The following RAB35 variants were observed in gnomAD, a reference collection of about 807,000 sequenced individuals.
RAB35 encodes RAB35, member RAS oncogene family, also known as ras-related protein Rab-35.
A neutral mutation model predicts 28.9 loss-of-function variants in RAB35; 4 were observed. The observed-to-expected ratio is 0.14, with a 90% CI of 0.07 to 0.32. The LOEUF is 0.32. Among genes scored for constraint, RAB35 ranks in the 10% least tolerant of loss-of-function variants. The pLI is 1.00. For missense variants in RAB35, 128 were observed against 274.0 expected (o/e 0.47, Z 3.76); for synonymous variants, 99 against 105.1 (o/e 0.94, Z 0.35).
Position 120,104,431 on chromosome 12 carries a change from C to A in RAB35, c.104-482G>T, listed in dbSNP as rs886512445. ...CTGCTCCAGGCAGGGGAGACAGTAGCAAAAACAGCCGTGAGTGGGGGCGGT... is the reference window on the plus strand; with the variant it reads ...CTGCTCCAGGCAGGGGAGACAGTAGAAAAAACAGCCGTGAGTGGGGGCGGT... On this transcript the variant is annotated intron_variant, in intron 2 of 5. Coordinates refer to ENST00000229340, the MANE Select transcript of RAB35 (RefSeq NM_006861.7). Among the ~76,000 whole-genome samples the A allele has an allele frequency of 3.3e-4, 50 of 152,182 alleles. 1 individual carries two copies. The highest frequency in any genetic ancestry group is 3.3e-3 in the Admixed American group (50 of 15,274).
At chr12:120,099,313 C>G (rs1406080180) in intron 3 of RAB35, 159 bp from the exon 4 acceptor site, 45 of 918,284 alleles carry the variant, frequency 4.9e-5, no homozygotes, top group Middle Eastern at 6.9e-4. Context: ...CGAGCCACAA[C>G]AGGCCAGCAG....
At position 120,096,913 on chromosome 12, in the gene RAB35, C is replaced by G. The variant is rs1363921163; in HGVS notation, c.*332G>C. ...AGGCTGGCATCAAGAAGGCAAAAGC[C>G]AGAGCAGGACGTGGTGTGCGGCCGG... is the stretch of plus-strand genomic sequence containing the variant. On this transcript the variant is annotated 3_prime_UTR_variant, in exon 6 of 6. Coordinates refer to ENST00000229340, the MANE Select transcript of RAB35 (RefSeq NM_006861.7). 34 of 1,331,892 alleles carry G rather than the reference C, an allele frequency of 2.6e-5. No individual in the cohort carries two copies. Among genetic ancestry groups the G allele is most frequent in the Non-Finnish European group, 3.3e-5 (34 of 1,017,072 alleles). 82.5% of individuals were successfully genotyped at this position (1,331,892 alleles called of 1,614,324 possible).
intron 1 of RAB35, among the ~76,000 whole-genome samples, chr12:120,113,549 T>C (rs1214382323): frequency 6.6e-6 from 1 of 152,044 alleles, no homozygotes; most frequent in African/African-American, 2.4e-5. Flanking sequence ...CCGGGCGCGG[T>C]GGCTCACGCC....
chr12:120,112,126 G>A (rs938886644), intron 1 of RAB35, among the ~76,000 whole-genome samples: 3 of 151,908 alleles, frequency 2.0e-5, no homozygotes, highest in Admixed American at 6.6e-5. Flanking sequence ...ACAGGCGCCC[G>A]CCATCACGCC....
At chr12:120,116,177 A>G (rs1282076359) in intron 1 of RAB35, among the ~76,000 whole-genome samples, 1 of 152,134 alleles carries the variant, frequency 6.6e-6, no homozygotes, top group African/African-American at 2.4e-5. Flanking sequence ...CACTTTTCCT[A>G]CTTTATCCCA....
chr12:120,105,720 A>G (rs894704060), intron 2 of RAB35, among the ~76,000 whole-genome samples: 6 of 151,992 alleles, frequency 3.9e-5, no homozygotes, highest in Admixed American at 3.3e-4. Flanking sequence ...TCAGGAGATC[A>G]AGACCATCCT....
At chr12:120,115,610 C>A (rs995141327) in intron 1 of RAB35, among the ~76,000 whole-genome samples, 2 of 152,212 alleles carry the variant, frequency 1.3e-5, no homozygotes, top group African/African-American at 2.4e-5. Flanking sequence ...TCCCAGAAAC[C>A]AGTCTACCTT....
chr12:120,110,661 C>A (rs1192972976), intron 1 of RAB35, among the ~76,000 whole-genome samples: 1 of 152,162 alleles, frequency 6.6e-6, no homozygotes, highest in African/African-American at 2.4e-5. Context: ...AAGCCTAACC[C>A]CAGCATCCTC....
chr12:120,108,375 A>G, intron 2 of RAB35, 42 bp downstream of exon 2: 1 of 1,582,502 alleles, frequency 6.3e-7, no homozygotes, highest in Non-Finnish European at 8.7e-7. Context: ...TCAACAAACA[A>G]ACAAAAACGA....
rs771708619 is a variant in RAB35 at position 120,103,781 on chromosome 12, C to A, written c.227+45G>T. 1.9e-6 allele frequency: 3 copies of A among 1,608,214 alleles called. No individual in the cohort carries two copies. Among genetic ancestry groups the A allele is most frequent in the East Asian group, 4.5e-5 (2 of 44,768 alleles). ...GGCACCGGTCGCTCAACTGTGTCCA[C>A]AGGTCAGTGGCGCGGGTTGGGTGGG... On this transcript the variant is annotated intron_variant, in intron 3 of 5. Transcript: ENST00000229340. The surrounding 1 kb of genome is among the most constrained non-coding windows in gnomAD (Gnocchi z 6.1).
chr12:120,116,033 G>A (rs1188896268), intron 1 of RAB35, among the ~76,000 whole-genome samples: 1 of 152,154 alleles, frequency 6.6e-6, no homozygotes, highest in Non-Finnish European at 1.5e-5. Flanking sequence ...TAAACCTCAC[G>A]GCAATCCCAT....
chr12:120,108,621 G>A (rs112362628), intron 1 of RAB35, 154 bp from the exon 2 acceptor site: 23 of 730,138 alleles, frequency 3.2e-5, no homozygotes, highest in Middle Eastern at 2.3e-4. Flanking sequence ...CTCCCTGAGC[G>A]GCCACACACC....
rs112378452 is a variant in RAB35 at position 120,101,744 on chromosome 12, G to A, written c.227+2082C>T. Among the ~76,000 whole-genome samples the A allele has an allele frequency of 6.2e-3, 940 of 152,284 alleles. 14 individuals carry two copies. Among genetic ancestry groups the A allele is most frequent in the African/African-American group, 0.021 (889 of 41,568 alleles). ...GTCTGCTTCCCCAGACACGTGGGAC[G>A]GCAGCAGGGGCCCAGCCGCTGCCCA... On this transcript the variant is annotated intron_variant, in intron 3 of 5. Transcript: ENST00000229340.
intron 5 of RAB35, among the ~76,000 whole-genome samples, chr12:120,097,674 G>A (rs1029477898): frequency 2.6e-5 from 4 of 152,138 alleles, no homozygotes; most frequent in African/African-American, 9.7e-5. Flanking sequence ...TTGAGCCCAG[G>A]AGATCGAGAC....
In RAB35 at chr12:120,098,939, C is replaced by G; in HGVS notation, c.353-4G>C. On this transcript the variant is annotated splice_region_variant and splice_polypyrimidine_tract_variant and intron_variant, in intron 4 of 5. Coordinates refer to ENST00000229340, the MANE Select transcript of RAB35 (RefSeq NM_006861.7). ...GGGTCGTCATTCTTATTACCCACTTCAAACGAAGGCAGAGTCAGCGCAGCC... is the reference window on the plus strand; with the variant it reads ...GGGTCGTCATTCTTATTACCCACTTGAAACGAAGGCAGAGTCAGCGCAGCC... 2 of 1,614,232 alleles carry G rather than the reference C, an allele frequency of 1.2e-6. No individual in the cohort carries two copies. Among genetic ancestry groups the G allele is most frequent in the Non-Finnish European group, 1.7e-6 (2 of 1,180,044 alleles).
At chr12:120,100,152 C>T (rs1236667189) in intron 3 of RAB35, among the ~76,000 whole-genome samples, 2 of 152,214 alleles carry the variant, frequency 1.3e-5, no homozygotes, top group Non-Finnish European at 2.9e-5. Flanking sequence ...AGCCCCAGTT[C>T]AGGAACAGCC....
Position 120,096,439 on chromosome 12 carries a change from C to CCTGCCAGCCCCATCT in RAB35, c.*791_*805dup. ...GTTAAAATAATCCTCCCATAGCCCC[C>CCTGCCAGCCCCATCT]CTGCCAGCCCCATCTCTGCACGAAC... On this transcript the variant is annotated 3_prime_UTR_variant, in exon 6 of 6. Coordinates refer to ENST00000229340, the MANE Select transcript of RAB35 (RefSeq NM_006861.7). 2 of 1,288,254 alleles carry CCTGCCAGCCCCATCT rather than the reference C, an allele frequency of 1.6e-6. No homozygotes were observed. The highest frequency in any genetic ancestry group is 2.0e-6 in the Non-Finnish European group (2 of 987,710). 79.8% of individuals were successfully genotyped at this position (1,288,254 alleles called of 1,614,324 possible).
intron 2 of RAB35, among the ~76,000 whole-genome samples, chr12:120,105,652 G>A (rs946049407): frequency 7.3e-5 from 11 of 151,020 alleles, no homozygotes; most frequent in South Asian, 2.1e-4. Context: ...GACCCGGCGC[G>A]CTGGCTCACG....
At chr12:120,110,492 C>T (rs555636074) in intron 1 of RAB35, among the ~76,000 whole-genome samples, 13 of 152,066 alleles carry the variant, frequency 8.5e-5, no homozygotes, top group Admixed American at 7.2e-4. Context: ...TGGCCTCAAG[C>T]AATCTGCCCG....
Sources: gnomAD v4.1 joint callset for allele counts (sites outside exome capture counted in the v4.1 genomes callset) on GRCh38, gnomAD v4.1.1 for gene constraint, Gnocchi (gnomAD v3.1) non-coding constraint, MANE v1.5 for transcripts, NCBI Gene and HGNC (gene_info 2026-07-23, HGNC 2026-07-21) for gene names.